RCOR1: variants seen among roughly 807,000 people sequenced by gnomAD.
RCOR1 encodes the protein REST corepressor.
A neutral mutation model predicts 64.0 loss-of-function variants in RCOR1; 12 were observed. The ratio of observed to expected loss-of-function variants is 0.19; its 90% CI spans 0.12 to 0.30. The LOEUF (loss-of-function observed/expected upper bound fraction) is 0.30, where lower values mean the gene tolerates loss of function less well. Among genes scored for constraint, RCOR1 ranks in the 10% least tolerant of loss-of-function variants. The pLI, the probability that RCOR1 is intolerant of heterozygous loss-of-function variation, is 1.00. For missense variants in RCOR1, 502 were observed against 621.2 expected, an observed-to-expected ratio of 0.81 and a Z score of 2.04; for synonymous variants, 279 against 227.2, an observed-to-expected ratio of 1.23 and a Z score of -2.05.
chr14:102,698,174 A>C (rs577061642), intron 3 of RCOR1, among the ~76,000 whole-genome samples: 1 of 152,346 alleles, frequency 6.6e-6, no homozygotes, highest in African/African-American at 2.4e-5. Flanking sequence ...GCTGATTCTT[A>C]AGATATAAAG....
At chr14:102,622,712 G>A (rs1397033512) in intron 2 of RCOR1, among the ~76,000 whole-genome samples, 1 of 151,960 alleles carries the variant, frequency 6.6e-6, no homozygotes, top group Non-Finnish European at 1.5e-5. Flanking sequence ...GCAGCCCTCC[G>A]AAAGAGTACT....
At chr14:102,656,015 T>C (rs1373638539) in intron 2 of RCOR1, 1 of 984,022 alleles carries the variant, frequency 1.0e-6, no homozygotes, top group Non-Finnish European at 1.2e-6. Flanking sequence ...AACCAACTAA[T>C]GCAGTGGATT....
intron 2 of RCOR1, among the ~76,000 whole-genome samples, chr14:102,636,253 T>A (rs1222706792): frequency 6.6e-6 from 1 of 151,808 alleles, no homozygotes; most frequent in African/African-American, 2.4e-5. Flanking sequence ...AAACTGTTTC[T>A]AAAAAAAATT....
At chr14:102,700,367 A>C (rs1895732887) in intron 3 of RCOR1, among the ~76,000 whole-genome samples, 2 of 152,092 alleles carry the variant, frequency 1.3e-5, no homozygotes, top group Admixed American at 6.5e-5. Flanking sequence ...GATTACAGGC[A>C]TGTGCCACCA....
chr14:102,702,946 A>C (rs1291808478), intron 4 of RCOR1, among the ~76,000 whole-genome samples: 1 of 152,238 alleles, frequency 6.6e-6, no homozygotes, highest in Non-Finnish European at 1.5e-5. Flanking sequence ...TATCTTAAAG[A>C]TGTTTTTAAA....
intron 3 of RCOR1, among the ~76,000 whole-genome samples, chr14:102,682,934 A>T (rs754040006): frequency 3.3e-5 from 5 of 151,986 alleles, no homozygotes; most frequent in Non-Finnish European, 5.9e-5. Flanking sequence ...TCATAATCTC[A>T]CTTATTTCTC....
intron 2 of RCOR1, among the ~76,000 whole-genome samples, chr14:102,636,922 G>T (rs1266316050): frequency 6.6e-6 from 1 of 151,918 alleles, no homozygotes; most frequent in Non-Finnish European, 1.5e-5. Flanking sequence ...AGTGAGCTGA[G>T]ATCGCACCAT....
At chr14:102,598,767 ATAAT>A (rs1372036138) in intron 2 of RCOR1, among the ~76,000 whole-genome samples, 1 of 152,158 alleles carries the variant, frequency 6.6e-6, no homozygotes, top group African/African-American at 2.4e-5. Flanking sequence ...TTCTTATAAA[ATAAT>A]TAATACCTAG....
rs575107642 is a variant in RCOR1 at position 102,637,161 on chromosome 14, C to G, written c.361+43836C>G. 3.2e-4 allele frequency among the ~76,000 whole-genome samples: 47 copies of G among 145,000 alleles called. No homozygotes were observed. The South Asian group carries it at 0.01, about 31-fold the overall frequency. On this transcript the variant is annotated intron_variant, in intron 2 of 11. Coordinates refer to ENST00000262241, the MANE Select transcript of RCOR1 (RefSeq NM_015156.4). ...TTTTTTTTTGAGACGGAGTCTTACTCTGTCGCCCAGGCTGGAGTGCAGTGG... is the reference window on the plus strand; with the variant it reads ...TTTTTTTTTGAGACGGAGTCTTACTGTGTCGCCCAGGCTGGAGTGCAGTGG...
intron 2 of RCOR1, among the ~76,000 whole-genome samples, chr14:102,658,248 T>G (rs1466515390): frequency 6.6e-6 from 1 of 152,132 alleles, no homozygotes; most frequent in Non-Finnish European, 1.5e-5. Flanking sequence ...GTGTTGGGGT[T>G]ACAGGTGTGA....
chr14:102,650,652 T>G (rs537492979), intron 2 of RCOR1, among the ~76,000 whole-genome samples: 2 of 152,344 alleles, frequency 1.3e-5, no homozygotes, highest in African/African-American at 4.8e-5. Flanking sequence ...AAATGGACTC[T>G]AGAGAGTAAG....
chr14:102,645,730 G>T lies in RCOR1; in HGVS notation c.362-36165G>T, dbSNP rs144950482. Among the ~76,000 whole-genome samples, 1,058 of 152,250 alleles carry T rather than the reference G, an allele frequency of 6.9e-3. 9 individuals carry two copies. The highest frequency in any genetic ancestry group is 0.011 in the Non-Finnish European group (728 of 68,030). The stretch of plus-strand genomic sequence containing the variant: ...AAAGTTAGTGACTTAAAATAATTCC[G>T]TGATTTCTGTAGGTCAGGAATTTAG... On this transcript the variant is annotated intron_variant, in intron 2 of 11. Transcript: ENST00000262241.
intron 3 of RCOR1, among the ~76,000 whole-genome samples, chr14:102,696,647 C>T (rs550764053): frequency 1.3e-5 from 2 of 152,074 alleles, no homozygotes; most frequent in Non-Finnish European, 2.9e-5. Context: ...AATTTTTAAT[C>T]GATAAGGGAC....
chr14:102,646,163 T>C (rs181594701), intron 2 of RCOR1, among the ~76,000 whole-genome samples: 15 of 152,100 alleles, frequency 9.9e-5, no homozygotes, highest in Admixed American at 2.6e-4. Flanking sequence ...TCTAGAAAAA[T>C]GTAATCCACC....
At chr14:102,724,533 T>C (rs1247786939) in intron 11 of RCOR1, among the ~76,000 whole-genome samples, 3 of 152,166 alleles carry the variant, frequency 2.0e-5, no homozygotes, top group Admixed American at 1.3e-4. Context: ...GGTTTCGGCA[T>C]GTTGACCAGG....
At position 102,707,420 on chromosome 14, in the gene RCOR1, C is replaced by A; in HGVS notation, c.568C>A (p.Pro190Thr). ...ATTGGCTGATTTGCCCAACTTTACC[C>A]CTTTCCCAGATGAGTGGACTGTGGA... ...KSLADLPNFT[P>T]FPDEWTVEDK... The change falls in exon 5 of 12, where the codon CCT becomes ACT. Residue 190 changes from proline to threonine, a missense_variant. By Grantham distance (38) the Pro-to-Thr change is conservative (BLOSUM62 -1). This residue lies in a region of RCOR1 where 260 missense variants were observed against 416.4 expected (regional missense o/e 0.62). Transcript: ENST00000262241. 6.2e-7 allele frequency: 1 copy of A among 1,613,470 alleles called. No individual in the cohort carries two copies. The highest frequency in any genetic ancestry group is 8.5e-7 in the Non-Finnish European group (1 of 1,179,660).
In RCOR1 at chr14:102,727,837, T is replaced by C. The variant is rs1229935542; in HGVS notation, c.*1331T>C. 1 of 152,382 alleles carries C rather than the reference T, an allele frequency of 6.6e-6. No homozygotes were observed. 9.4% of individuals were successfully genotyped at this position (152,382 alleles called of 1,614,324 possible). On this transcript the variant is annotated 3_prime_UTR_variant, in exon 12 of 12. Transcript: ENST00000262241. ...TCACTTTTGTTATCTTATCAGACCA[T>C]GGGCCTGCTGAGGGTTGAGCAGACA...
chr14:102,714,026 T>C (rs529126725), intron 7 of RCOR1, among the ~76,000 whole-genome samples: 4 of 152,378 alleles, frequency 2.6e-5, no homozygotes, highest in Non-Finnish European at 5.9e-5. Context: ...GTAAAAATTG[T>C]GTTATCCAAA....
chr14:102,598,395 A>G (rs766066126), intron 2 of RCOR1, among the ~76,000 whole-genome samples: 3 of 152,122 alleles, frequency 2.0e-5, no homozygotes, highest in Non-Finnish European at 2.9e-5. Context: ...ATGCCTTACA[A>G]AGAGTGAATG....
Sources: gnomAD v4.1 joint callset for allele counts (sites outside exome capture counted in the v4.1 genomes callset) on GRCh38, gnomAD v4.1.1 for gene constraint, gnomAD v4.1.1 regional missense constraint, MANE v1.5 for transcripts, NCBI Gene and HGNC (gene_info 2026-07-23, HGNC 2026-07-21) for gene names.